The following NELL1 variants were observed in gnomAD, a reference collection of about 807,000 sequenced individuals.
NELL1 encodes the protein protein kinase C-binding protein NELL1.
Under a neutral mutation model 107.4 loss-of-function variants are expected in NELL1, and 76 were observed. The ratio of observed to expected loss-of-function variants is 0.71; its 90% confidence interval spans 0.59 to 0.86. NELL1 has a LOEUF of 0.86. NELL1 is among the 40% of genes least tolerant of loss of function. The pLI is 0.00. For synonymous variants in NELL1, 353 were observed against 341.2 expected, an observed-to-expected ratio of 1.03 and a Z score of -0.38; for missense variants, 1,024 against 1,005.5, an observed-to-expected ratio of 1.02 and a Z score of -0.25.
chr11:20,835,248 ATCTT>A (rs1848513352), intron 3 of NELL1, among the ~76,000 whole-genome samples: 1 of 152,176 alleles, frequency 6.6e-6, no homozygotes, highest in Admixed American at 6.5e-5. Context: ...ATTGTTGTCT[ATCTT>A]TCCGTAAGTT....
At chr11:21,001,720 G>A (rs909799104) in intron 12 of NELL1, among the ~76,000 whole-genome samples, 1 of 150,054 alleles carries the variant, frequency 6.7e-6, no homozygotes, top group Admixed American at 6.7e-5. Flanking sequence ...AAAGTCTTGG[G>A]CAATCAACGG....
At chr11:20,896,251 T>C (rs753444164) in intron 5 of NELL1, among the ~76,000 whole-genome samples, 2 of 152,222 alleles carry the variant, frequency 1.3e-5, no homozygotes, top group African/African-American at 2.4e-5. Flanking sequence ...TTTCCATTCC[T>C]GAGTTGCTTC....
At chr11:20,887,051 G>C (rs1849523791) in intron 5 of NELL1, among the ~76,000 whole-genome samples, 1 of 152,032 alleles carries the variant, frequency 6.6e-6, no homozygotes, top group Non-Finnish European at 1.5e-5. Flanking sequence ...TCTGTTTTCT[G>C]ACCCTGTAGT....
chr11:21,045,609 CTTAA>C (rs1436260634), intron 12 of NELL1, among the ~76,000 whole-genome samples: 3 of 152,122 alleles, frequency 2.0e-5, no homozygotes, highest in Non-Finnish European at 4.4e-5. Flanking sequence ...GTTTAATGTA[CTTAA>C]TTAATTTATG....
At chr11:20,938,298 A>G (rs566507711) in intron 10 of NELL1, among the ~76,000 whole-genome samples, 1 of 152,194 alleles carries the variant, frequency 6.6e-6, no homozygotes, top group Non-Finnish European at 1.5e-5. Flanking sequence ...AATAAGATGT[A>G]TAAGATCATA....
At chr11:21,053,045 G>A (rs1168692497) in intron 12 of NELL1, among the ~76,000 whole-genome samples, 2 of 152,128 alleles carry the variant, frequency 1.3e-5, no homozygotes, top group Non-Finnish European at 2.9e-5. Context: ...CAGCTGTCTG[G>A]AGCCCATTTG....
chr11:20,743,448 T>C (rs1855936395), intron 2 of NELL1, among the ~76,000 whole-genome samples: 1 of 152,198 alleles, frequency 6.6e-6, no homozygotes, highest in Non-Finnish European at 1.5e-5. Context: ...CCAACCCTAC[T>C]TTCTAGACAT....
intron 15 of NELL1, among the ~76,000 whole-genome samples, chr11:21,477,432 G>A (rs557213315): frequency 6.6e-6 from 1 of 152,158 alleles, no homozygotes; most frequent in South Asian, 2.1e-4. Context: ...TCTTATCCAA[G>A]GCAAGCAAGG....
chr11:20,695,494 A>T (rs575620680), intron 2 of NELL1, among the ~76,000 whole-genome samples: 1 of 152,188 alleles, frequency 6.6e-6, no homozygotes, highest in African/African-American at 2.4e-5. Context: ...GAGGGTTTTT[A>T]TCATAAAGAG....
At chr11:21,200,986 C>A (rs1204002455) in intron 13 of NELL1, among the ~76,000 whole-genome samples, 4 of 152,088 alleles carry the variant, frequency 2.6e-5, no homozygotes, top group Non-Finnish European at 5.9e-5. Context: ...TTCCATTGGT[C>A]TATATATCTG....
At chr11:20,825,927 G>A (rs1249075340) in intron 3 of NELL1, among the ~76,000 whole-genome samples, 1 of 151,252 alleles carries the variant, frequency 6.6e-6, no homozygotes, top group East Asian at 1.9e-4. Context: ...TTTGGAGAGG[G>A]ACCTTGTGGG....
chr11:21,479,711 A>G (rs1165833644), intron 15 of NELL1, among the ~76,000 whole-genome samples: 4 of 152,194 alleles, frequency 2.6e-5, no homozygotes, highest in Non-Finnish European at 5.9e-5. Flanking sequence ...ACATAAAGAA[A>G]GGAGAAATGC....
intron 15 of NELL1, among the ~76,000 whole-genome samples, chr11:21,442,654 T>G (rs757533378): frequency 2.6e-5 from 4 of 152,238 alleles, no homozygotes; most frequent in Non-Finnish European, 4.4e-5. Context: ...CATGGAACTT[T>G]GCTAGGTTCT....
chr11:21,226,897 G>A (rs1857907604), intron 13 of NELL1, among the ~76,000 whole-genome samples: 1 of 152,188 alleles, frequency 6.6e-6, no homozygotes, highest in Non-Finnish European at 1.5e-5. Context: ...TTGTGAGAGA[G>A]TATTGTGGGT....
At position 21,136,913 on chromosome 11, in the gene NELL1, C is replaced by T. The variant is rs182830125; in HGVS notation, c.1426+23199C>T. On this transcript the variant is annotated intron_variant, in intron 13 of 19. Coordinates refer to ENST00000357134, the MANE Select transcript of NELL1 (RefSeq NM_006157.5). The stretch of plus-strand genomic sequence containing the variant: ...TTTGGACCAAAATACCCAGTCTCAC[C>T]AGTAAAGAAGAGAAGAGAAGGTGAG... Among the ~76,000 whole-genome samples the T allele has an allele frequency of 1.8e-3, 277 of 152,218 alleles. 2 individuals carry two copies. Among genetic ancestry groups the T allele is most frequent in the Middle Eastern group, 0.017 (5 of 294 alleles).
chr11:20,684,518 A>G (rs1304350880), intron 2 of NELL1, among the ~76,000 whole-genome samples: 1 of 152,066 alleles, frequency 6.6e-6, no homozygotes, highest in African/African-American at 2.4e-5. Flanking sequence ...AGTTCTAATA[A>G]CTGTTTTAAT....
At chr11:21,193,443 C>G (rs1857088806) in intron 13 of NELL1, among the ~76,000 whole-genome samples, 1 of 151,706 alleles carries the variant, frequency 6.6e-6, no homozygotes. Context: ...ATATATAAGG[C>G]ATTTTGTCAC....
intron 15 of NELL1, among the ~76,000 whole-genome samples, chr11:21,462,032 A>G (rs1318644913): frequency 6.6e-6 from 1 of 152,062 alleles, no homozygotes; most frequent in Non-Finnish European, 1.5e-5. Flanking sequence ...AGACTGCTGG[A>G]TACTGTCTGT....
chr11:21,094,727 G>A (rs1377716887), intron 12 of NELL1, among the ~76,000 whole-genome samples: 1 of 152,134 alleles, frequency 6.6e-6, no homozygotes, highest in Non-Finnish European at 1.5e-5. Flanking sequence ...TCTTTCATCG[G>A]TGGCTGAAGA....
Sources: allele counts gnomAD v4.1 joint callset (sites outside exome capture counted in the v4.1 genomes callset), GRCh38; gene constraint gnomAD v4.1.1; transcripts MANE v1.5; gene names NCBI Gene and HGNC (gene_info 2026-07-23, HGNC 2026-07-21).